FHIT: variants seen among roughly 807,000 people sequenced by gnomAD.
FHIT encodes fragile histidine triad diadenosine triphosphatase.
A neutral mutation model predicts 17.9 loss-of-function variants in FHIT; 19 were observed. That is an observed-to-expected ratio of 1.06 (90% CI 0.74 to 1.56). The LOEUF (loss-of-function observed/expected upper bound fraction) is 1.56. Among genes scored for constraint, FHIT ranks in the 40% most tolerant of loss-of-function variants. The pLI, the probability that FHIT is intolerant of heterozygous loss-of-function variation, is 0.00. For synonymous variants in FHIT, 81 were observed against 69.7 expected (o/e 1.16, Z -0.81); for missense variants, 248 against 189.2 (o/e 1.31, Z -1.82).
rs142138204 is a variant in FHIT, at chr3:60,826,294, TTTTTGTTTTGTTTTGTTTTGTTTTG to T, written c.-110-4308_-110-4284del. Among the ~76,000 whole-genome samples the T allele has an allele frequency of 4.0e-3, 598 of 149,360 alleles. 5 individuals are homozygous for T. Among genetic ancestry groups the T allele is most frequent in the African/African-American group, 0.013 (535 of 40,286 alleles). Reference sequence around the variant, plus strand: ...TAGATGGGGATAGATGAGGTTAGTTTTTTTGTTTTGTTTTGTTTTGTTTTGTTTTGTTTTGTTTTGTTTTGTTTTG... The same window carrying T: ...TAGATGGGGATAGATGAGGTTAGTTTTTTTGTTTTGTTTTGTTTTGTTTTG... On this transcript the variant is annotated intron_variant, in intron 3 of 9. Transcript: ENST00000492590.
intron 8 of FHIT, among the ~76,000 whole-genome samples, chr3:59,759,197 A>G (rs1000881266): frequency 6.6e-6 from 1 of 151,934 alleles, no homozygotes; most frequent in Non-Finnish European, 1.5e-5. Flanking sequence ...AGAGTGAGAG[A>G]GAGGACTTGG....
chr3:59,749,952 C>G (rs1457546715), intron 9 of FHIT: 2 of 224,932 alleles, frequency 8.9e-6, no homozygotes, highest in African/African-American at 4.5e-5. Flanking sequence ...CATCTGACTG[C>G]TGGGAAGACT....
At chr3:60,763,049 C>G (rs1487251504) in intron 4 of FHIT, among the ~76,000 whole-genome samples, 1 of 152,154 alleles carries the variant, frequency 6.6e-6, no homozygotes, top group Non-Finnish European at 1.5e-5. Context: ...TTCTCTCTGA[C>G]ACATCTGAGA....
intron 5 of FHIT, among the ~76,000 whole-genome samples, chr3:60,022,216 C>T (rs904500872): frequency 2.0e-5 from 3 of 152,046 alleles, no homozygotes; most frequent in Admixed American, 1.3e-4. Flanking sequence ...GAGTACATGT[C>T]CTATTAATCA....
At chr3:60,864,678 G>A (rs879950071) in intron 3 of FHIT, among the ~76,000 whole-genome samples, 19 of 152,156 alleles carry the variant, frequency 1.2e-4, no homozygotes, top group East Asian at 3.9e-4. Context: ...TTTGAATTTC[G>A]TTCTAAAGCT....
chr3:60,059,966 C>T (rs372060893), intron 5 of FHIT, among the ~76,000 whole-genome samples: 71 of 152,122 alleles, frequency 4.7e-4, no homozygotes, highest in Non-Finnish European at 8.7e-4. Context: ...AAGCATTAAC[C>T]GTGCTCCATG....
chr3:60,443,044 G>A (rs1239360234), intron 5 of FHIT, among the ~76,000 whole-genome samples: 1 of 152,118 alleles, frequency 6.6e-6, no homozygotes, highest in Non-Finnish European at 1.5e-5. Flanking sequence ...AATTGTGAAT[G>A]GGAGTTCACT....
chr3:60,573,448 AGAAAG>A (rs1553656443), intron 4 of FHIT, among the ~76,000 whole-genome samples: 1 of 152,152 alleles, frequency 6.6e-6, no homozygotes, highest in East Asian at 1.9e-4. Context: ...TAGTGGGTAT[AGAAAG>A]GAGAGTCTCA....
chr3:60,412,646 G>A (rs2107230895), intron 5 of FHIT, among the ~76,000 whole-genome samples: 1 of 152,124 alleles, frequency 6.6e-6, no homozygotes, highest in South Asian at 2.1e-4. Context: ...TTGCAGATGG[G>A]CAAACTGTAA....
At chr3:61,089,692 A>C (rs2106806392) in intron 2 of FHIT, among the ~76,000 whole-genome samples, 1 of 152,336 alleles carries the variant, frequency 6.6e-6, no homozygotes, top group Non-Finnish European at 1.5e-5. Flanking sequence ...GGACTAGGAT[A>C]GCAGTTGTCA....
intron 4 of FHIT, among the ~76,000 whole-genome samples, chr3:60,677,964 T>A (rs782292117): frequency 7.9e-5 from 12 of 152,172 alleles, no homozygotes; most frequent in Non-Finnish European, 1.5e-4. Context: ...CACTTCTTCA[T>A]AGTAGTCTCT....
chr3:59,993,758 G>A (rs1206564608), intron 7 of FHIT, among the ~76,000 whole-genome samples: 4 of 151,910 alleles, frequency 2.6e-5, no homozygotes, highest in African/African-American at 7.3e-5. Context: ...CGGGGTCTCA[G>A]TTCCTGTTCA....
chr3:60,933,918 G>T (rs1331938446), intron 3 of FHIT, among the ~76,000 whole-genome samples: 1 of 152,146 alleles, frequency 6.6e-6, no homozygotes, highest in Non-Finnish European at 1.5e-5. Context: ...CTCTCCAGTG[G>T]TGTGACCCGG....
intron 4 of FHIT, among the ~76,000 whole-genome samples, chr3:60,554,241 T>TAA (rs11297542): frequency 1.3e-4 from 19 of 145,878 alleles, no homozygotes; most frequent in East Asian, 7.9e-4. Flanking sequence ...TCTTAACGGT[T>TAA]AAAAAAAAAA....
rs970279732 is a variant in FHIT at position 59,747,343 on chromosome 3, C to T, written c.*2242G>A. Reference sequence around the variant, plus strand: ...GAGGAAGGCAAAAGAGGAGCAAAGCCACATCTTACATGGCAGCAGGCAAGA... The same window carrying T: ...GAGGAAGGCAAAAGAGGAGCAAAGCTACATCTTACATGGCAGCAGGCAAGA... On this transcript the variant is annotated 3_prime_UTR_variant, in exon 10 of 10. Coordinates refer to ENST00000492590, the MANE Select transcript of FHIT (RefSeq NM_002012.4). Among the ~76,000 whole-genome samples, 1 of 152,004 alleles carries T rather than the reference C, an allele frequency of 6.6e-6. No homozygotes were observed. The highest frequency in any genetic ancestry group is 1.5e-5 in the Non-Finnish European group (1 of 67,998).
chr3:60,096,126 G>A (rs756325559), intron 5 of FHIT, among the ~76,000 whole-genome samples: 6 of 152,174 alleles, frequency 3.9e-5, no homozygotes, highest in African/African-American at 7.2e-5. Context: ...GAGATGGCCC[G>A]CCCACTTAGC....
At chr3:59,920,353 A>G (rs544382613) in intron 8 of FHIT, among the ~76,000 whole-genome samples, 13 of 152,346 alleles carry the variant, frequency 8.5e-5, no homozygotes, top group African/African-American at 2.4e-4. Flanking sequence ...TGATTTTTAA[A>G]AAAAGAAAAA....
intron 5 of FHIT, among the ~76,000 whole-genome samples, chr3:60,333,812 A>G (rs2106865790): frequency 6.6e-6 from 1 of 152,286 alleles, no homozygotes; most frequent in East Asian, 1.9e-4. Context: ...GGCCTCCCAG[A>G]TAGGATCAAG....
intron 3 of FHIT, among the ~76,000 whole-genome samples, chr3:60,891,957 C>G (rs1323144726): frequency 6.6e-6 from 1 of 152,156 alleles, no homozygotes; most frequent in African/African-American, 2.4e-5. Context: ...AGACTGGAAA[C>G]CAAGTCTTCA....
Sources: gnomAD v4.1 joint callset for allele counts (sites outside exome capture counted in the v4.1 genomes callset) on GRCh38, gnomAD v4.1.1 for gene constraint, MANE v1.5 for transcripts, NCBI Gene and HGNC (gene_info 2026-07-23, HGNC 2026-07-21) for gene names.